Variants in PPIL3 observed in about 807,000 individuals in gnomAD.
The protein encoded by PPIL3 is peptidyl-prolyl cis-trans isomerase-like 3.
In PPIL3, 13 loss-of-function variants were observed where a neutral mutation model predicts 20.9. That is an observed-to-expected ratio of 0.62 (90% CI 0.40 to 0.99). The LOEUF (loss-of-function observed/expected upper bound fraction) is 0.99. PPIL3 is among the 50% of genes least tolerant of loss of function. The probability of loss-of-function intolerance (pLI) is 0.00; values close to 1 mark genes in which losing one functional copy is unlikely to be tolerated. For missense variants in PPIL3, 170 were observed against 195.2 expected (o/e 0.87, Z 0.77); for synonymous variants, 71 against 64.4 (o/e 1.10, Z -0.49).
rs2039717262 is a variant in PPIL3, at chr2:200,881,407, C to T, written c.240+14G>A. 2 of 1,598,452 alleles carry T rather than the reference C, an allele frequency of 1.3e-6. No individual in the cohort carries two copies. Among genetic ancestry groups the T allele is most frequent in the Non-Finnish European group, 1.7e-6 (2 of 1,170,554 alleles). On this transcript the variant is annotated intron_variant, in intron 5 of 6. Coordinates refer to ENST00000392283, the MANE Select transcript of PPIL3 (RefSeq NM_130906.3). ...AGGCATGAGAAATAGATTTTTAAAG[C>T]ATTGAGGATTTACCTTAAGATATTC...
intron 5 of PPIL3, among the ~76,000 whole-genome samples, chr2:200,878,128 C>T (rs2039589221): frequency 6.6e-6 from 1 of 152,140 alleles, no homozygotes; most frequent in Admixed American, 6.6e-5. Context: ...ATTAAATACA[C>T]ATGTAATATT....
upstream of PPIL3, chr2:200,889,225 A>T (rs1453963274): frequency 2.8e-6 from 1 of 358,126 alleles, no homozygotes; most frequent in Admixed American, 3.6e-5. Context: ...CTGGGACAAG[A>T]AGTGTAAGGC....
chr2:200,885,992 T>C (rs2039925598), intron 2 of PPIL3, among the ~76,000 whole-genome samples: 1 of 152,156 alleles, frequency 6.6e-6, no homozygotes, highest in African/African-American at 2.4e-5. Flanking sequence ...AGAATATAAA[T>C]GTTAGGGTTA....
intron 3 of PPIL3, among the ~76,000 whole-genome samples, chr2:200,883,797 C>G (rs1368217303): frequency 6.6e-6 from 1 of 152,172 alleles, no homozygotes; most frequent in Non-Finnish European, 1.5e-5. Context: ...GGGTCTTGCT[C>G]TGTCACCTAG....
chr2:200,871,680 T>TA (rs2039311626), intron 6 of PPIL3, among the ~76,000 whole-genome samples, 159 bp from the exon 7 acceptor site: 1 of 152,226 alleles, frequency 6.6e-6, no homozygotes, highest in Non-Finnish European at 1.5e-5. Flanking sequence ...CCATCATAGA[T>TA]ATGGATCAAA....
chr2:200,882,669 G>A (rs1258705222), intron 3 of PPIL3, among the ~76,000 whole-genome samples: 3 of 152,098 alleles, frequency 2.0e-5, no homozygotes, highest in Admixed American at 1.3e-4. Flanking sequence ...CAGCACTTTG[G>A]GAGGCCGAGG....
chr2:200,876,517 ATT>A (rs1273010531), intron 6 of PPIL3, among the ~76,000 whole-genome samples: 32 of 130,602 alleles, frequency 2.5e-4, no homozygotes, highest in Admixed American at 3.1e-4. Flanking sequence ...TTTTCTTTTC[ATT>A]TTTTTTTTTT....
In PPIL3 at chr2:200,877,850, C is replaced by T. The variant is rs78735169; in HGVS notation, c.241-813G>A. ...GTCAGTTTATAACCCCAGGACTGAA[C>T]GATCTAAGAAAGGTCTCACCTAGCT... On this transcript the variant is annotated intron_variant, in intron 5 of 6. Transcript: ENST00000392283. 1.1e-3 allele frequency among the ~76,000 whole-genome samples: 167 copies of T among 152,224 alleles called. 1 individual carries two copies. In the East Asian group the frequency reaches 0.018, roughly 17 times the overall value.
chr2:200,889,285 G>A (rs2040106318), upstream of PPIL3: 4 of 318,104 alleles, frequency 1.3e-5, no homozygotes, highest in East Asian at 8.5e-5. Context: ...GCTGCCAAAC[G>A]GAAAGGACCA....
rs989766684 is a variant in PPIL3 at position 200,889,045 on chromosome 2, T to G, written c.-160A>C. ...CAGCAGAGGTCTGTTGGTTCAAAATTATAGTTTCTTTGGGCCAGCGGAAGT... is the reference window on the plus strand; with the variant it reads ...CAGCAGAGGTCTGTTGGTTCAAAATGATAGTTTCTTTGGGCCAGCGGAAGT... On this transcript the variant is annotated 5_prime_UTR_variant, in exon 1 of 7. Transcript: ENST00000392283. 9 of 471,102 alleles carry G rather than the reference T, an allele frequency of 1.9e-5. No homozygotes were observed. The Admixed American group carries it at 2.1e-4, about 11-fold the overall frequency. 29.2% of individuals were successfully genotyped at this position (471,102 alleles called of 1,614,324 possible). A position where few individuals can be genotyped will look rare whatever the true frequency, so the allele number is the denominator to read the frequency against.
At chr2:200,879,935 T>C (rs1401587797) in intron 5 of PPIL3, among the ~76,000 whole-genome samples, 3 of 152,210 alleles carry the variant, frequency 2.0e-5, no homozygotes. Flanking sequence ...ACCTAAAAAA[T>C]TGTTTAGTTA....
intron 3 of PPIL3, among the ~76,000 whole-genome samples, chr2:200,884,233 T>C (rs549995182): frequency 6.3e-4 from 96 of 152,032 alleles, no homozygotes; most frequent in African/African-American, 2.1e-3. Flanking sequence ...TGAAACCCCA[T>C]CTCTACTAAA....
chr2:200,889,085 AAG>A (rs1230240094), upstream of PPIL3: 26 of 470,222 alleles, frequency 5.5e-5, no homozygotes, highest in East Asian at 2.1e-4. Flanking sequence ...CGCGGGACCC[AAG>A]AGAGAGAACG....
At position 200,871,267 on chromosome 2, in the gene PPIL3, A is replaced by G. The variant is rs1292175888; in HGVS notation, c.*128T>C. The G allele has an allele frequency of 2.8e-5, 28 of 996,748 alleles. No homozygotes were observed. The highest frequency in any genetic ancestry group is 3.7e-5 in the Non-Finnish European group (26 of 703,846). The allele number at this position is 996,748 out of a possible 1,614,324, so 61.7% of individuals were successfully genotyped here. Reference sequence around the variant, plus strand: ...CTGTTGGGCGCCCCTTGGTACCACCATTTCATAGAAGATCATAGTTGTAAA... The same window carrying G: ...CTGTTGGGCGCCCCTTGGTACCACCGTTTCATAGAAGATCATAGTTGTAAA... On this transcript the variant is annotated 3_prime_UTR_variant, in exon 7 of 7. Transcript: ENST00000392283.
At chr2:200,871,741 G>C (rs969478007) in intron 6 of PPIL3, among the ~76,000 whole-genome samples, 2 of 152,152 alleles carry the variant, frequency 1.3e-5, no homozygotes, top group African/African-American at 4.8e-5. Context: ...CAAAGGGTAG[G>C]AATATTTCCA....
upstream of PPIL3, chr2:200,889,185 C>A: frequency 2.6e-6 from 1 of 389,088 alleles, no homozygotes; most frequent in Non-Finnish European, 5.1e-6. Context: ...GGAAATTTGA[C>A]AGTGAAAGGG....
At chr2:200,872,451 A>C (rs2039340815) in intron 6 of PPIL3, among the ~76,000 whole-genome samples, 1 of 152,076 alleles carries the variant, frequency 6.6e-6, no homozygotes, top group Non-Finnish European at 1.5e-5. Flanking sequence ...GCCACTAGTG[A>C]CTGGAACTCA....
In PPIL3 at chr2:200,871,335, G is replaced by A; in HGVS notation, c.*60C>T. On this transcript the variant is annotated 3_prime_UTR_variant, in exon 7 of 7. Transcript: ENST00000392283. ...CAATCTCTGACATAATTAAAACCGGGTAAACCACAATAAGTGTGTTCCAGC... is the reference window on the plus strand; with the variant it reads ...CAATCTCTGACATAATTAAAACCGGATAAACCACAATAAGTGTGTTCCAGC... 2 of 1,507,298 alleles carry A rather than the reference G, an allele frequency of 1.3e-6. No homozygotes were observed. The highest frequency in any genetic ancestry group is 1.4e-5 in the African/African-American group (1 of 71,854). 93.4% of individuals were successfully genotyped at this position (1,507,298 alleles called of 1,614,324 possible). A position where few individuals can be genotyped will look rare whatever the true frequency, so the allele number is the denominator to read the frequency against.
intron 3 of PPIL3, chr2:200,885,366 A>C: frequency 2.8e-6 from 1 of 353,160 alleles, no homozygotes; most frequent in Non-Finnish European, 5.0e-6. Context: ...GCGAGACTCC[A>C]TCTCAAAAAA....
Sources: gnomAD v4.1 joint callset for allele counts (sites outside exome capture counted in the v4.1 genomes callset) on GRCh38, gnomAD v4.1.1 for gene constraint, MANE v1.5 for transcripts, NCBI Gene and HGNC (gene_info 2026-07-23, HGNC 2026-07-21) for gene names.